Variants in GALNT15 observed in about 807,000 individuals in gnomAD.
GALNT15 encodes the protein polypeptide N-acetylgalactosaminyltransferase 15.
Under a neutral mutation model 66.8 loss-of-function variants are expected in GALNT15, and 67 were observed. The ratio of observed to expected loss-of-function variants is 1.00; its 90% CI spans 0.82 to 1.23. The LOEUF (loss-of-function observed/expected upper bound fraction) is 1.23, where lower values mean the gene tolerates loss of function less well. GALNT15 is among the 50% of genes most tolerant of loss of function. The pLI is 0.00. For missense variants in GALNT15, 827 were observed against 804.3 expected, an observed-to-expected ratio of 1.03 and a Z score of -0.34; for synonymous variants, 313 against 311.5, an observed-to-expected ratio of 1.00 and a Z score of -0.05.
rs1166284262 is a variant in GALNT15 at position 16,183,662 on chromosome 3, G to T, written c.539+7972G>T. 6.6e-6 allele frequency among the ~76,000 whole-genome samples: 1 copy of T among 152,182 alleles called. No homozygotes were observed. Among genetic ancestry groups the T allele is most frequent in the Non-Finnish European group, 1.5e-5 (1 of 68,022 alleles). On this transcript the variant is annotated intron_variant, in intron 1 of 9. Transcript: ENST00000339732. The surrounding 1 kb of genome is among the most constrained non-coding windows in gnomAD (Gnocchi z 5.2). ...AGGCTGGTACATCAGTGGGATCAGG[G>T]CTGAGATAGAGAAGCCTATCCGAGT...
At chr3:16,201,399 T>A (rs1483025119) in intron 3 of GALNT15, among the ~76,000 whole-genome samples, 1 of 152,068 alleles carries the variant, frequency 6.6e-6, no homozygotes, top group Non-Finnish European at 1.5e-5. Context: ...GCCAGGATGG[T>A]CTCGATCTCC....
At chr3:16,233,094 C>CTTTTTTTTTGTTTTTTTTTT (rs2064099827), downstream of GALNT15, among the ~76,000 whole-genome samples, 1 of 61,208 alleles carries the variant, frequency 1.6e-5, no homozygotes, top group South Asian at 8.1e-4. Context: ...GATAATGCAT[C>CTTTTTTTTTGTTTTTTTTTT]TTTTTTTTTT....
chr3:16,195,948 G>T lies in GALNT15; in HGVS notation c.706+22G>T. 6.2e-7 allele frequency: 1 copy of T among 1,613,098 alleles called. No homozygotes were observed. Among genetic ancestry groups the T allele is most frequent in the Non-Finnish European group, 8.5e-7 (1 of 1,179,356 alleles). On this transcript the variant is annotated intron_variant, in intron 2 of 9. Coordinates refer to ENST00000339732, the MANE Select transcript of GALNT15 (RefSeq NM_054110.5). The surrounding 1 kb of genome is among the most constrained non-coding windows in gnomAD (Gnocchi z 4.6). ...CAAGGTAGCCACGGCTTTCCTCCAG[G>T]CTCGTCTGGGTGAGCCTTACCCCCT...
At chr3:16,233,113 T>TTTTTTTTGA (rs71064272), downstream of GALNT15, among the ~76,000 whole-genome samples, 4 of 139,260 alleles carry the variant, frequency 2.9e-5, no homozygotes, top group African/African-American at 2.7e-5. Flanking sequence ...TTTTTTTTTT[T>TTTTTTTTGA]GAAACGGAGT....
At chr3:16,243,075 G>T in the GALNT15 span, among the ~76,000 whole-genome samples, 1 of 152,214 alleles carries the variant, frequency 6.6e-6, no homozygotes, top group African/African-American at 2.4e-5. Flanking sequence ...ACCAGACTGA[G>T]ACATTTTCCC....
chr3:16,221,232 A>G (rs2063939131), intron 8 of GALNT15, among the ~76,000 whole-genome samples: 1 of 148,786 alleles, frequency 6.7e-6, no homozygotes, highest in African/African-American at 2.5e-5. Flanking sequence ...CTTCATGCAA[A>G]AGGAATATTA....
chr3:16,199,034 G>C (rs1412541387), intron 2 of GALNT15, among the ~76,000 whole-genome samples: 1 of 142,710 alleles, frequency 7.0e-6, no homozygotes, highest in Non-Finnish European at 1.6e-5. Flanking sequence ...CTAAGGGTTA[G>C]AGCAGAAGAG....
In GALNT15 at chr3:16,204,304, T is replaced by A. The variant is rs1445841504; in HGVS notation, c.911+3481T>A. Among the ~76,000 whole-genome samples the A allele has an allele frequency of 6.6e-6, 1 of 152,200 alleles. No homozygotes were observed. Among genetic ancestry groups the A allele is most frequent in the Non-Finnish European group, 1.5e-5 (1 of 68,032 alleles). On this transcript the variant is annotated intron_variant, in intron 3 of 9. Transcript: ENST00000339732. The surrounding 1 kb of genome is among the most constrained non-coding windows in gnomAD (Gnocchi z 4.5). ...CCTCAGAAAATTGGTCATAATATAC[T>A]GATTTTATTAGAATAAGACATCTTA...
chr3:16,213,932 G>C (rs923661564), intron 6 of GALNT15, among the ~76,000 whole-genome samples: 1 of 152,216 alleles, frequency 6.6e-6, no homozygotes, highest in African/African-American at 2.4e-5. Flanking sequence ...CCAGGGCCTG[G>C]GATGTGTCAG....
chr3:16,246,371 G>A, the GALNT15 span, among the ~76,000 whole-genome samples: 5 of 141,348 alleles, frequency 3.5e-5, no homozygotes, highest in Admixed American at 7.4e-5. Flanking sequence ...CTGTTGCCAG[G>A]CTGGAGTGCA....
rs2063998234 is a variant in GALNT15 at position 16,225,497 on chromosome 3, C to A, written c.1774-1857C>A. ...GGATCACGAGGTCAGGAGGCTGAGACCAGCCTGGCCAATATGGTGAAACCC... is the reference window on the plus strand; with the variant it reads ...GGATCACGAGGTCAGGAGGCTGAGAACAGCCTGGCCAATATGGTGAAACCC... On this transcript the variant is annotated intron_variant, in intron 9 of 9. Coordinates refer to ENST00000339732, the MANE Select transcript of GALNT15 (RefSeq NM_054110.5). The surrounding 1 kb of genome is among the most constrained non-coding windows in gnomAD (Gnocchi z 4.4). Among the ~76,000 whole-genome samples, 1 of 152,148 alleles carries A rather than the reference C, an allele frequency of 6.6e-6. No individual in the cohort carries two copies. Among genetic ancestry groups the A allele is most frequent in the African/African-American group, 2.4e-5 (1 of 41,426 alleles).
rs2063535938 is a variant in GALNT15 at position 16,188,135 on chromosome 3, C to T, written c.540-7625C>T. Among the ~76,000 whole-genome samples the T allele has an allele frequency of 6.6e-6, 1 of 152,232 alleles. No homozygotes were observed. Among genetic ancestry groups the T allele is most frequent in the South Asian group, 2.1e-4 (1 of 4,826 alleles). ...CATCTAGCACATCTAGCCTCACGCT[C>T]TTCCCCCCAGACCATTATCCTGGCT... On this transcript the variant is annotated intron_variant, in intron 1 of 9. Coordinates refer to ENST00000339732, the MANE Select transcript of GALNT15 (RefSeq NM_054110.5). The surrounding 1 kb of genome is among the most constrained non-coding windows in gnomAD (Gnocchi z 4.6).
At chr3:16,185,943 A>T (rs1481468149) in intron 1 of GALNT15, among the ~76,000 whole-genome samples, 1 of 152,202 alleles carries the variant, frequency 6.6e-6, no homozygotes, top group African/African-American at 2.4e-5. Flanking sequence ...AACTTAGTAG[A>T]TTTTAAAAAA....
chr3:16,217,189 T>C (rs778485426), intron 6 of GALNT15, among the ~76,000 whole-genome samples: 18 of 152,232 alleles, frequency 1.2e-4, no homozygotes, highest in Non-Finnish European at 2.2e-4. Flanking sequence ...AAGAGTGCTA[T>C]GGAGAATAAG....
At chr3:16,217,059 A>T (rs1440692077) in intron 6 of GALNT15, among the ~76,000 whole-genome samples, 1 of 152,206 alleles carries the variant, frequency 6.6e-6, no homozygotes, top group African/African-American at 2.4e-5. Flanking sequence ...TGCCCTGCTT[A>T]TGTCTGACTA....
chr3:16,182,324 C>G lies in GALNT15; in HGVS notation c.539+6634C>G, dbSNP rs117863079. 2.0e-5 allele frequency among the ~76,000 whole-genome samples: 3 copies of G among 152,152 alleles called. No individual in the cohort carries two copies. Among genetic ancestry groups the G allele is most frequent in the Admixed American group, 2.0e-4 (3 of 15,282 alleles). On this transcript the variant is annotated intron_variant, in intron 1 of 9. Transcript: ENST00000339732. The surrounding 1 kb of genome is among the most constrained non-coding windows in gnomAD (Gnocchi z 6.1). ...CCCACTCACATTAGAACCAATGAGT[C>G]GTCATGTCAAGGCTCCAAAGCAGAC...
chr3:16,228,750 A>G lies in GALNT15; in HGVS notation c.*1250A>G, dbSNP rs1327840657. ...AAAAGCAAACCTTTTTCCTGGGAGG[A>G]AAATGCCAGAGCCTGAGCCAAAATT... On this transcript the variant is annotated 3_prime_UTR_variant, in exon 10 of 10. Transcript: ENST00000339732. 1 of 985,354 alleles carries G rather than the reference A, an allele frequency of 1.0e-6. No homozygotes were observed. Among genetic ancestry groups the G allele is most frequent in the Non-Finnish European group, 1.2e-6 (1 of 829,996 alleles). 61.0% of individuals were successfully genotyped at this position (985,354 alleles called of 1,614,324 possible). A position where few individuals can be genotyped will look rare whatever the true frequency, so the allele number is the denominator to read the frequency against.
At position 16,228,476 on chromosome 3, in the gene GALNT15, A is replaced by G; in HGVS notation, c.*976A>G. On this transcript the variant is annotated 3_prime_UTR_variant, in exon 10 of 10. Transcript: ENST00000339732. Reference sequence around the variant, plus strand: ...GTCAACATTGCAAAACCTTGTCTCTACTAAAAATACAAAAATTAGCTGGGC... The same window carrying G: ...GTCAACATTGCAAAACCTTGTCTCTGCTAAAAATACAAAAATTAGCTGGGC... 1 of 592,566 alleles carries G rather than the reference A, an allele frequency of 1.7e-6. No individual in the cohort carries two copies. The highest frequency in any genetic ancestry group is 2.1e-6 in the Non-Finnish European group (1 of 471,414). The allele number at this position is 592,566 out of a possible 1,614,324, so 36.7% of individuals were successfully genotyped here.
Position 16,185,522 on chromosome 3 carries a change from C to T in GALNT15, c.539+9832C>T, listed in dbSNP as rs146520388. ...TGTTCCCTGATGAAAGCTGAGAGCA[C>T]GATGACAAGCACGACTCCCTGTAAG... On this transcript the variant is annotated intron_variant, in intron 1 of 9. Transcript: ENST00000339732. Among the ~76,000 whole-genome samples the T allele has an allele frequency of 9.3e-3, 1,418 of 152,232 alleles. 51 individuals are homozygous for T. Among genetic ancestry groups the T allele is most frequent in the Admixed American group, 0.066 (1,011 of 15,286 alleles).
Sources: gnomAD v4.1 joint callset for allele counts (sites outside exome capture counted in the v4.1 genomes callset) on GRCh38, gnomAD v4.1.1 for gene constraint, Gnocchi (gnomAD v3.1) non-coding constraint, MANE v1.5 for transcripts, NCBI Gene and HGNC (gene_info 2026-07-23, HGNC 2026-07-21) for gene names.